Variants in MAP2K5 observed in about 807,000 individuals in gnomAD.
The protein encoded by MAP2K5 is mitogen-activated protein kinase kinase 5.
MAP2K5 carries 49 observed loss-of-function variants against 83.1 expected under a neutral mutation model. The ratio of observed to expected loss-of-function variants is 0.59; its 90% CI spans 0.47 to 0.75. The LOEUF is 0.75. Among genes scored for constraint, MAP2K5 ranks in the 30% least tolerant of loss-of-function variants. The pLI is 0.00. For missense variants in MAP2K5, 457 were observed against 557.5 expected (o/e 0.82, Z 1.82); for synonymous variants, 202 against 191.8 (o/e 1.05, Z -0.44).
At chr15:67,596,148 A>T (rs879420166) in intron 7 of MAP2K5, among the ~76,000 whole-genome samples, 45 of 152,174 alleles carry the variant, frequency 3.0e-4, no homozygotes, top group Non-Finnish European at 4.6e-4. Context: ...AACTTTTTGT[A>T]TTTGGCTGGG....
At position 67,720,990 on chromosome 15, in the gene MAP2K5, G is replaced by C. The variant is rs141925262; in HGVS notation, c.1045-6926G>C. ...CTATAGCAGGCAATCATTTTTAACA[G>C]TGAAACAAATAAAGCAATTAAAGGA... On this transcript the variant is annotated intron_variant, in intron 16 of 21. Transcript: ENST00000178640. This position sits in a 1 kb window ranked among gnomAD's most constrained non-coding sequence, Gnocchi z 5.7. Among the ~76,000 whole-genome samples, 1,093 of 152,318 alleles carry C rather than the reference G, an allele frequency of 7.2e-3. 10 individuals carry two copies. Among genetic ancestry groups the C allele is most frequent in the Non-Finnish European group, 0.012 (786 of 68,026 alleles).
At chr15:67,735,456 C>T (rs975693748) in intron 17 of MAP2K5, among the ~76,000 whole-genome samples, 26 of 152,326 alleles carry the variant, frequency 1.7e-4, no homozygotes, top group African/African-American at 6.3e-4. Context: ...CTCAATTCAA[C>T]ATTATTTGTC....
intron 16 of MAP2K5, among the ~76,000 whole-genome samples, chr15:67,707,579 G>A (rs1832012879): frequency 6.6e-6 from 1 of 152,212 alleles, no homozygotes; most frequent in Non-Finnish European, 1.5e-5. Context: ...GGGGCACACA[G>A]AGCTGAGGAG....
chr15:67,563,812 A>T lies in MAP2K5; in HGVS notation c.252+462A>T, dbSNP rs1369513971. ...TGTTGGTTATTTATGCACTACCCAT[A>T]ATACTCCCACCGAAAATGAACTACA... On this transcript the variant is annotated intron_variant, in intron 3 of 21. Transcript: ENST00000178640. This position sits in a 1 kb window ranked among gnomAD's most constrained non-coding sequence, Gnocchi z 4.5. 6.6e-6 allele frequency among the ~76,000 whole-genome samples: 1 copy of T among 152,208 alleles called. No individual in the cohort carries two copies. The highest frequency in any genetic ancestry group is 1.5e-5 in the Non-Finnish European group (1 of 68,036).
At position 67,770,875 on chromosome 15, in the gene MAP2K5, C is replaced by T. The variant is rs948811863; in HGVS notation, c.1196+1212C>T. Among the ~76,000 whole-genome samples, 3 of 151,932 alleles carry T rather than the reference C, an allele frequency of 2.0e-5. No individual in the cohort carries two copies. The highest frequency in any genetic ancestry group is 2.1e-4 in the South Asian group (1 of 4,820). The stretch of plus-strand genomic sequence containing the variant: ...TATATGTGAGGAAGAAATTTTTCTC[C>T]CCAATTAAAAAAATTTTATTAACAC... On this transcript the variant is annotated intron_variant, in intron 20 of 21. Coordinates refer to ENST00000178640, the MANE Select transcript of MAP2K5 (RefSeq NM_145160.3). The surrounding 1 kb of genome is among the most constrained non-coding windows in gnomAD (Gnocchi z 5.0).
At chr15:67,696,127 CTTTTT>C (rs66634396) in intron 15 of MAP2K5, among the ~76,000 whole-genome samples, 6 of 129,958 alleles carry the variant, frequency 4.6e-5, no homozygotes, top group Non-Finnish European at 3.2e-5. Context: ...AAGAGCTGAG[CTTTTT>C]TTTTTTTTTT....
chr15:67,543,331 C>T lies in MAP2K5; in HGVS notation c.-5C>T. ...ACCCCAGGATGTGAGCCTCTTTAAC[C>T]TGTAATGCTGTGGCTAGCCCTTGGC... is the stretch of plus-strand genomic sequence containing the variant. On this transcript the variant is annotated 5_prime_UTR_variant, in exon 1 of 22. Coordinates refer to ENST00000178640, the MANE Select transcript of MAP2K5 (RefSeq NM_145160.3). This position sits in a 1 kb window ranked among gnomAD's most constrained non-coding sequence, Gnocchi z 4.3. 4 of 1,614,216 alleles carry T rather than the reference C, an allele frequency of 2.5e-6. No individual in the cohort carries two copies. Among genetic ancestry groups the T allele is most frequent in the Non-Finnish European group, 3.4e-6 (4 of 1,180,028 alleles).
chr15:67,553,352 G>A lies in MAP2K5; in HGVS notation c.184+3270G>A, dbSNP rs1453672544. 4.6e-5 allele frequency among the ~76,000 whole-genome samples: 7 copies of A among 152,246 alleles called. No homozygotes were observed. The South Asian group carries it at 6.2e-4, about 14-fold the overall frequency. On this transcript the variant is annotated intron_variant, in intron 2 of 21. Transcript: ENST00000178640. Reference sequence around the variant, plus strand: ...TAAACCTCTACTACTCCAGGTTTACGTTCTGTGATATCATGCTCTTTCTTT... The same window carrying A: ...TAAACCTCTACTACTCCAGGTTTACATTCTGTGATATCATGCTCTTTCTTT...
intron 11 of MAP2K5, among the ~76,000 whole-genome samples, chr15:67,656,887 T>C (rs2087096313): frequency 6.6e-6 from 1 of 152,222 alleles, no homozygotes; most frequent in African/African-American, 2.4e-5. Context: ...CCTTCTGCCA[T>C]TTTTAACCTG....
At chr15:67,799,752 C>T (rs1452422129) in intron 21 of MAP2K5, among the ~76,000 whole-genome samples, 1 of 152,242 alleles carries the variant, frequency 6.6e-6, no homozygotes, top group African/African-American at 2.4e-5. Flanking sequence ...TTGCCACTCC[C>T]TCCCTGGGGA....
At chr15:67,580,332 A>G (rs192904594) in intron 3 of MAP2K5, among the ~76,000 whole-genome samples, 1 of 152,288 alleles carries the variant, frequency 6.6e-6, no homozygotes. Context: ...TGCATTTTAT[A>G]CACAAATTGA....
intron 3 of MAP2K5, among the ~76,000 whole-genome samples, chr15:67,578,331 G>C (rs1001748785): frequency 6.6e-6 from 1 of 152,172 alleles, no homozygotes; most frequent in Non-Finnish European, 1.5e-5. Context: ...GGAATGCTCC[G>C]TAGGCAGTAG....
At position 67,573,695 on chromosome 15, in the gene MAP2K5, C is replaced by A. The variant is rs188626478; in HGVS notation, c.253-7059C>A. On this transcript the variant is annotated intron_variant, in intron 3 of 21. Transcript: ENST00000178640. The surrounding 1 kb of genome is among the most constrained non-coding windows in gnomAD (Gnocchi z 4.2). ...TAGAGTTAAGGGAACAGGTTAATAG[C>A]ATTTACCAAACAGATTCAGGACTTA... 6.6e-6 allele frequency among the ~76,000 whole-genome samples: 1 copy of A among 152,146 alleles called. No individual in the cohort carries two copies.
chr15:67,650,515 GTTTTT>G (rs35510441), intron 11 of MAP2K5, among the ~76,000 whole-genome samples: 1 of 144,908 alleles, frequency 6.9e-6, no homozygotes, highest in Non-Finnish European at 1.5e-5. Context: ...AGTTTGTTGA[GTTTTT>G]TTTTTTTTTA....
intron 3 of MAP2K5, among the ~76,000 whole-genome samples, chr15:67,567,817 T>C (rs185735146): frequency 2.0e-4 from 30 of 152,354 alleles, no homozygotes; most frequent in African/African-American, 7.2e-4. Context: ...TTTCCTCCTC[T>C]CATTTTCTAG....
At chr15:67,670,545 T>C in intron 13 of MAP2K5, 1 of 442,334 alleles carries the variant, frequency 2.3e-6, no homozygotes, top group Non-Finnish European at 4.5e-6. Context: ...TTCTTACATC[T>C]TAGCAGTGCA....
chr15:67,546,468 C>T (rs2084391116), intron 1 of MAP2K5: 1 of 355,082 alleles, frequency 2.8e-6, no homozygotes, highest in African/African-American at 2.2e-5. Context: ...GGGCTCCAGT[C>T]ACTGTGCATC....
At chr15:67,666,533 A>C (rs2087383653) in intron 13 of MAP2K5, among the ~76,000 whole-genome samples, 1 of 152,144 alleles carries the variant, frequency 6.6e-6, no homozygotes, top group Non-Finnish European at 1.5e-5. Context: ...CACTGTGGCC[A>C]AGCTTGGTTG....
At chr15:67,762,840 A>T (rs968732821) in intron 19 of MAP2K5, among the ~76,000 whole-genome samples, 5 of 152,164 alleles carry the variant, frequency 3.3e-5, no homozygotes, top group Admixed American at 3.3e-4. Flanking sequence ...TAAAGGGTTT[A>T]TGGGTAGGAT....
Sources: allele counts gnomAD v4.1 joint callset (sites outside exome capture counted in the v4.1 genomes callset), GRCh38; gene constraint gnomAD v4.1.1; non-coding constraint Gnocchi (gnomAD v3.1); transcripts MANE v1.5; gene names NCBI Gene and HGNC (gene_info 2026-07-23, HGNC 2026-07-21).